Variants in TTC39B observed in about 807,000 individuals in gnomAD.
TTC39B encodes tetratricopeptide repeat domain 39B, also known as tetratricopeptide repeat protein 39B.
Under a neutral mutation model 96.6 loss-of-function variants are expected in TTC39B, and 92 were observed. That is an observed-to-expected ratio of 0.95 (90% CI 0.80 to 1.13). The LOEUF is 1.13. Ranked by LOEUF, TTC39B falls within the 50% of genes most tolerant of loss-of-function variation. TTC39B has a pLI of 0.00. For missense variants in TTC39B, 955 were observed against 809.3 expected, an observed-to-expected ratio of 1.18 and a Z score of -2.18; for synonymous variants, 367 against 299.4, an observed-to-expected ratio of 1.23 and a Z score of -2.33.
At chr9:15,261,439 C>T (rs954203490) in intron 2 of TTC39B, among the ~76,000 whole-genome samples, 65 of 151,788 alleles carry the variant, frequency 4.3e-4, no homozygotes, top group African/African-American at 1.6e-3. Flanking sequence ...CGCGCCACTA[C>T]ACTCTAGCCT....
At chr9:15,220,962 GGGC>G (rs1424161263) in intron 3 of TTC39B, among the ~76,000 whole-genome samples, 3 of 152,148 alleles carry the variant, frequency 2.0e-5, no homozygotes, top group Non-Finnish European at 2.9e-5. Flanking sequence ...GAGACATTTT[GGGC>G]AAGAAAACCA....
chr9:15,298,243 G>A (rs1477266172), intron 1 of TTC39B, among the ~76,000 whole-genome samples: 2 of 152,104 alleles, frequency 1.3e-5, no homozygotes, highest in Non-Finnish European at 2.9e-5. Flanking sequence ...TATACCATCA[G>A]CTTCCATGGT....
intron 1 of TTC39B, among the ~76,000 whole-genome samples, chr9:15,288,155 C>G (rs1306553254): frequency 6.6e-6 from 1 of 151,976 alleles, no homozygotes; most frequent in East Asian, 1.9e-4. Flanking sequence ...TGTTTTCTAT[C>G]AAAGTTGTGA....
At chr9:15,213,723 C>A (rs1485090675) in intron 4 of TTC39B, among the ~76,000 whole-genome samples, 1 of 152,072 alleles carries the variant, frequency 6.6e-6, no homozygotes, top group African/African-American at 2.4e-5. Flanking sequence ...AAATAGAGAA[C>A]CCCAATAATA....
At chr9:15,250,281 A>G (rs1822476243) in intron 2 of TTC39B, 1 of 896,904 alleles carries the variant, frequency 1.1e-6, no homozygotes, top group Non-Finnish European at 1.3e-6. Context: ...ATTCTAATCC[A>G]TCACTGTTTA....
chr9:15,200,027 CAAAA>C (rs934564807), intron 7 of TTC39B, 102 bp from the exon 8 acceptor site: 4 of 594,516 alleles, frequency 6.7e-6, no homozygotes, highest in Non-Finnish European at 1.1e-5. Context: ...AACAAACAAA[CAAAA>C]AAAAGTATTT....
intron 1 of TTC39B, among the ~76,000 whole-genome samples, chr9:15,305,299 G>A (rs1824720862): frequency 6.6e-6 from 1 of 152,170 alleles, no homozygotes; most frequent in Non-Finnish European, 1.5e-5. Context: ...GCAAAACTAT[G>A]CCTTCTCTAA....
chr9:15,272,063 A>C (rs115807089), intron 1 of TTC39B, among the ~76,000 whole-genome samples: 5,117 of 152,224 alleles, frequency 0.034, 278 homozygotes, highest in African/African-American at 0.12. Context: ...TCCCTACAGA[A>C]AGACCAGTGC....
rs962399871 is a variant in TTC39B, at chr9:15,175,018, C to G, written c.1958+1G>C. 2 of 1,608,902 alleles carry G rather than the reference C, an allele frequency of 1.2e-6. No individual in the cohort carries two copies. The highest frequency in any genetic ancestry group is 3.3e-5 in the Admixed American group (2 of 60,006). On this transcript the variant is annotated splice_donor_variant, in intron 19 of 19. Coordinates refer to ENST00000512701, the Ensembl canonical transcript of TTC39B. LOFTEE classifies it high-confidence loss of function. ...AAGGAAAAGCTGCCTTCAACACTTACCTTGCAGTTTCTAGGAACTTTATGG... is the reference window on the plus strand; with the variant it reads ...AAGGAAAAGCTGCCTTCAACACTTAGCTTGCAGTTTCTAGGAACTTTATGG...
chr9:15,190,135 T>A (rs1374659504), intron 11 of TTC39B, among the ~76,000 whole-genome samples: 1 of 152,090 alleles, frequency 6.6e-6, no homozygotes, highest in Non-Finnish European at 1.5e-5. Flanking sequence ...CACCTTAATA[T>A]AGAAATTTTA....
chr9:15,178,014 T>C (rs1051489006), intron 17 of TTC39B, among the ~76,000 whole-genome samples, 200 bp from the exon 18 acceptor site: 17 of 151,636 alleles, frequency 1.1e-4, no homozygotes, highest in East Asian at 5.9e-4. Context: ...GGACTACAGG[T>C]GCCCACCACC....
At chr9:15,281,593 C>T (rs1823762622) in intron 1 of TTC39B, among the ~76,000 whole-genome samples, 1 of 144,310 alleles carries the variant, frequency 6.9e-6, no homozygotes. Flanking sequence ...CTAAATTATC[C>T]TCCACTCCTA....
intron 19 of TTC39B, among the ~76,000 whole-genome samples, chr9:15,173,904 G>C (rs914728085): frequency 3.9e-5 from 6 of 152,102 alleles, no homozygotes; most frequent in Admixed American, 6.6e-5. Context: ...ATTCTTCTAA[G>C]TATTCCCCAG....
At chr9:15,280,385 C>T (rs1823714276) in intron 1 of TTC39B, among the ~76,000 whole-genome samples, 1 of 152,196 alleles carries the variant, frequency 6.6e-6, no homozygotes, top group African/African-American at 2.4e-5. Flanking sequence ...AATGAAACAT[C>T]AGGTTTCCTT....
chr9:15,238,811 C>T (rs567504745), intron 2 of TTC39B, among the ~76,000 whole-genome samples: 9 of 152,120 alleles, frequency 5.9e-5, no homozygotes, highest in African/African-American at 1.9e-4. Flanking sequence ...CACGACAAAA[C>T]CCTGTCTCTA....
At chr9:15,292,899 A>C (rs888728477) in intron 1 of TTC39B, among the ~76,000 whole-genome samples, 1 of 152,216 alleles carries the variant, frequency 6.6e-6, no homozygotes, top group African/African-American at 2.4e-5. Context: ...CCATTAATCA[A>C]AGGTTTATTA....
At chr9:15,298,171 C>T (rs1342443957) in intron 1 of TTC39B, among the ~76,000 whole-genome samples, 1 of 152,126 alleles carries the variant, frequency 6.6e-6, no homozygotes, top group Non-Finnish European at 1.5e-5. Flanking sequence ...CTCCAGCATT[C>T]GGTCTCCAGA....
chr9:15,265,064 T>G (rs1329009417), intron 2 of TTC39B, among the ~76,000 whole-genome samples: 3 of 152,196 alleles, frequency 2.0e-5, no homozygotes, highest in Non-Finnish European at 4.4e-5. Context: ...GTTTCCCTCA[T>G]GGACCTAACA....
At chr9:15,263,039 A>G (rs1269578641) in intron 2 of TTC39B, among the ~76,000 whole-genome samples, 1 of 152,234 alleles carries the variant, frequency 6.6e-6, no homozygotes, top group African/African-American at 2.4e-5. Context: ...AATTTTTTAC[A>G]ATTAACATGT....
Sources: allele counts gnomAD v4.1 joint callset (sites outside exome capture counted in the v4.1 genomes callset), GRCh38; gene constraint gnomAD v4.1.1; transcripts MANE v1.5; gene names NCBI Gene and HGNC (gene_info 2026-07-23, HGNC 2026-07-21).